DENND2B: variants seen among roughly 807,000 people sequenced by gnomAD.
DENND2B encodes DENN domain-containing protein 2B.
DENND2B carries 32 observed loss-of-function variants against 116.0 expected under a neutral mutation model. The ratio of observed to expected loss-of-function variants is 0.28; its 90% confidence interval spans 0.21 to 0.37. DENND2B has a LOEUF of 0.37. DENND2B is among the 10% of genes least tolerant of loss of function. DENND2B has a pLI of 1.00. For synonymous variants in DENND2B, 588 were observed against 583.9 expected (o/e 1.01, Z -0.10); for missense variants, 1,276 against 1,477.7 (o/e 0.86, Z 2.24).
At chr11:8,890,137 G>T (rs2064012343) in intron 1 of DENND2B, among the ~76,000 whole-genome samples, 1 of 152,216 alleles carries the variant, frequency 6.6e-6, no homozygotes, top group Non-Finnish European at 1.5e-5. Context: ...AACAGGGTCT[G>T]GAGTGGACCT....
chr11:8,776,160 GCACACA>G (rs368050554), intron 1 of DENND2B: 89,853 of 390,318 alleles, frequency 0.23, 8,411 homozygotes, highest in Middle Eastern at 0.39. Context: ...GCGCGCGCGC[GCACACA>G]CACACACACA....
intron 3 of DENND2B, among the ~76,000 whole-genome samples, chr11:8,853,374 A>T (rs1199853384): frequency 2.6e-5 from 4 of 152,140 alleles, no homozygotes; most frequent in Non-Finnish European, 4.4e-5. Context: ...TCAAAAAACA[A>T]AAAGAAAAGA....
intron 3 of DENND2B, among the ~76,000 whole-genome samples, chr11:8,729,581 G>C (rs983664368): frequency 6.6e-6 from 1 of 152,138 alleles, no homozygotes; most frequent in African/African-American, 2.4e-5. Flanking sequence ...AGGTGGTAGG[G>C]AGGCTAAGAT....
intron 1 of DENND2B, among the ~76,000 whole-genome samples, chr11:8,896,233 AG>A (rs1391262745): frequency 1.3e-5 from 2 of 152,310 alleles, no homozygotes; most frequent in Admixed American, 1.3e-4. Flanking sequence ...ATCAATGCAC[AG>A]AAGAGGTTTA....
At chr11:8,728,158 C>T (rs912388338) in intron 3 of DENND2B, among the ~76,000 whole-genome samples, 2 of 152,108 alleles carry the variant, frequency 1.3e-5, no homozygotes, top group Non-Finnish European at 2.9e-5. Context: ...CACATGCCAA[C>T]ACTCCAGCTA....
intron 1 of DENND2B, among the ~76,000 whole-genome samples, chr11:8,792,756 TA>T (rs1341509621): frequency 1.3e-5 from 2 of 151,810 alleles, no homozygotes; most frequent in African/African-American, 4.8e-5. Flanking sequence ...TGGCGAAGAG[TA>T]AAAAAATGTA....
At chr11:8,823,750 T>C (rs770669819) in intron 4 of DENND2B, among the ~76,000 whole-genome samples, 5 of 152,182 alleles carry the variant, frequency 3.3e-5, no homozygotes, top group African/African-American at 1.2e-4. Flanking sequence ...CTCATATAAA[T>C]TACCCAGTCT....
At chr11:8,768,079 A>G (rs953087842) in intron 1 of DENND2B, among the ~76,000 whole-genome samples, 7 of 151,986 alleles carry the variant, frequency 4.6e-5, no homozygotes, top group Non-Finnish European at 8.8e-5. Flanking sequence ...TCGGTGAGAA[A>G]GCACTGCCAG....
At chr11:8,771,538 A>AGAGAGAGAGAGG (rs2056867304) in intron 1 of DENND2B, 1 of 139,786 alleles carries the variant, frequency 7.2e-6, no homozygotes, top group African/African-American at 2.7e-5. Context: ...ACAGAGAGAG[A>AGAGAGAGAGAGG]GAGAGAGAGA....
intron 4 of DENND2B, among the ~76,000 whole-genome samples, chr11:8,823,906 T>C (rs11042092): frequency 1.0e-3 from 94 of 91,848 alleles, no homozygotes; most frequent in African/African-American, 2.0e-3. Flanking sequence ...TCTTCTTCTT[T>C]TTTTTTTTTT....
At chr11:8,871,531 C>T (rs891762797), upstream of DENND2B, 5 of 152,202 alleles carry the variant, frequency 3.3e-5, no homozygotes, top group African/African-American at 1.2e-4. Flanking sequence ...CTGCACCGCC[C>T]GCCGGCCTTC....
intron 1 of DENND2B, chr11:8,881,114 A>C (rs2063899935): frequency 6.6e-6 from 1 of 152,136 alleles, no homozygotes; most frequent in Non-Finnish European, 1.5e-5. Flanking sequence ...GAAAGGCTGC[A>C]GAGGAGGTAA....
chr11:8,830,361 T>C (rs1174256896), intron 4 of DENND2B, among the ~76,000 whole-genome samples: 1 of 152,222 alleles, frequency 6.6e-6, no homozygotes, highest in South Asian at 2.1e-4. Flanking sequence ...GGTTTTAAGA[T>C]ACAACTTTCT....
intron 3 of DENND2B, among the ~76,000 whole-genome samples, chr11:8,728,828 C>T (rs1376087753): frequency 6.6e-6 from 1 of 152,230 alleles, no homozygotes; most frequent in Admixed American, 6.5e-5. Flanking sequence ...TCCTATTTGC[C>T]TCTGCATCCT....
At position 8,730,045 on chromosome 11, in the gene DENND2B, T is replaced by C. The variant is rs199771542; in HGVS notation, c.1245A>G (p.Thr415=). ...AGGGCAAGGGAGGTGGAGCAGCAGGTGTGGGTGAAGGAGGTAGACCATTAC... is the reference window on the plus strand; with the variant it reads ...AGGGCAAGGGAGGTGGAGCAGCAGGCGTGGGTGAAGGAGGTAGACCATTAC... The part of the protein sequence containing the change: ...KPSNGLPPSP[T]PAAPPPLPST... The change falls in exon 3 of 20, where the codon ACA becomes ACG. Residue 415 remains threonine, a synonymous_variant. Transcript: ENST00000313726. The surrounding 1 kb of genome is among the most constrained non-coding windows in gnomAD (Gnocchi z 4.1). 1 of 1,613,946 alleles carries C rather than the reference T, an allele frequency of 6.2e-7. No homozygotes were observed. Among genetic ancestry groups the C allele is most frequent in the African/African-American group, 1.3e-5 (1 of 74,946 alleles).
intron 2 of DENND2B, among the ~76,000 whole-genome samples, chr11:8,741,664 T>C (rs142243105): frequency 1.6e-3 from 251 of 152,334 alleles, no homozygotes; most frequent in African/African-American, 3.8e-3. Flanking sequence ...ACAAGTGATG[T>C]GGTGCTACTT....
At chr11:8,724,008 C>G (rs1320731588) in intron 4 of DENND2B, among the ~76,000 whole-genome samples, 1 of 152,236 alleles carries the variant, frequency 6.6e-6, no homozygotes, top group Admixed American at 6.5e-5. Context: ...GCCCTCTCTT[C>G]ATAAGATTCC....
Position 8,854,667 on chromosome 11 carries a change from G to A in DENND2B, c.-156+2676C>T, listed in dbSNP as rs188790957. ...AAGGTGGGAGGATCACTTGAGCCCAGGAGTTCAAGACCAGCCTGGGTAACA... is the reference window on the plus strand; with the variant it reads ...AAGGTGGGAGGATCACTTGAGCCCAAGAGTTCAAGACCAGCCTGGGTAACA... On this transcript the variant is annotated intron_variant, in intron 3 of 6. Transcript: ENST00000524757. Among the ~76,000 whole-genome samples, 62 of 152,282 alleles carry A rather than the reference G, an allele frequency of 4.1e-4. No individual in the cohort carries two copies. In the East Asian group the frequency reaches 9.1e-3, roughly 22 times the overall value.
chr11:8,855,036 C>G (rs1461778058), intron 3 of DENND2B, among the ~76,000 whole-genome samples: 1 of 115,940 alleles, frequency 8.6e-6, no homozygotes, highest in African/African-American at 3.1e-5. Flanking sequence ...CCTAGCTACT[C>G]AAGAGGCTGA....
Sources: gnomAD v4.1 joint callset for allele counts (sites outside exome capture counted in the v4.1 genomes callset) on GRCh38, gnomAD v4.1.1 for gene constraint, Gnocchi (gnomAD v3.1) non-coding constraint, MANE v1.5 for transcripts, NCBI Gene and HGNC (gene_info 2026-07-23, HGNC 2026-07-21) for gene names.